The following BRWD1 variants were observed in gnomAD, a reference collection of about 807,000 sequenced individuals.
The protein encoded by BRWD1 is bromodomain and WD repeat-containing protein 1.
In BRWD1, 82 loss-of-function variants were observed where a neutral mutation model predicts 251.2. That is an observed-to-expected ratio of 0.33 (90% CI 0.27 to 0.39). The LOEUF is 0.39. Ranked by LOEUF, BRWD1 falls within the 10% of genes least tolerant of loss-of-function variation. BRWD1 has a pLI of 1.00. For missense variants in BRWD1, 2,233 were observed against 2,711.6 expected (o/e 0.82, Z 3.92); for synonymous variants, 918 against 902.8 (o/e 1.02, Z -0.30).
intron 29 of BRWD1, 76 bp from the exon 30 acceptor site, chr21:39,218,736 T>G: frequency 8.3e-7 from 1 of 1,198,224 alleles, no homozygotes; most frequent in Middle Eastern, 2.2e-4. Context: ...AAAATTCAAT[T>G]TTCATAGCTT....
intron 36 of BRWD1, 98 bp from the exon 37 acceptor site, chr21:39,206,372 A>C (rs2032390710): frequency 1.1e-6 from 1 of 916,014 alleles, no homozygotes; most frequent in South Asian, 1.9e-5. Context: ...GTATTATATC[A>C]CTGCTTATAG....
chr21:39,212,631 G>C (rs2032709528), intron 34 of BRWD1, 35 bp downstream of exon 34: 1 of 1,480,704 alleles, frequency 6.8e-7, no homozygotes, highest in Admixed American at 2.0e-5. Flanking sequence ...CAAAGAAAAA[G>C]AAACTACAAA....
intron 32 of BRWD1, among the ~76,000 whole-genome samples, chr21:39,214,939 T>C (rs2032821824): frequency 6.7e-6 from 1 of 148,204 alleles, no homozygotes; most frequent in African/African-American, 2.5e-5. Context: ...TGGAGTGCAA[T>C]GGCACGATCC....
chr21:39,296,364 C>A lies in BRWD1; in HGVS notation c.350-1G>T. 6.4e-7 allele frequency: 1 copy of A among 1,558,788 alleles called. No individual in the cohort carries two copies. The highest frequency in any genetic ancestry group is 8.6e-7 in the Non-Finnish European group (1 of 1,158,376). On this transcript the variant is annotated splice_acceptor_variant, in intron 5 of 40. Coordinates refer to ENST00000342449, the MANE Select transcript of BRWD1 (RefSeq NM_033656.4). LOFTEE classifies it high-confidence loss of function. Reference sequence around the variant, plus strand: ...CCCTTCCAAACTGTGTGCCTGCAGTCTTTAAAATGAATTTTAGATACACAT... The same window carrying A: ...CCCTTCCAAACTGTGTGCCTGCAGTATTTAAAATGAATTTTAGATACACAT...
chr21:39,314,190 C>T (rs1449781114), upstream of BRWD1: 17 of 455,874 alleles, frequency 3.7e-5, no homozygotes, highest in Non-Finnish European at 7.5e-5. Context: ...GCCGCGCCTC[C>T]CGCAGAGGGG....
At chr21:39,211,221 T>C (rs1382750672) in intron 34 of BRWD1, among the ~76,000 whole-genome samples, 1 of 152,190 alleles carries the variant, frequency 6.6e-6, no homozygotes, top group Non-Finnish European at 1.5e-5. Flanking sequence ...AGGTTTATAA[T>C]ATTTGTTTTC....
At chr21:39,248,542 G>T (rs138512655) in intron 20 of BRWD1, among the ~76,000 whole-genome samples, 3 of 151,338 alleles carry the variant, frequency 2.0e-5, no homozygotes, top group African/African-American at 2.4e-5. Context: ...GGAGGCTGAG[G>T]GGGGAGGATC....
At chr21:39,320,159 T>C (rs1020801469) in intron 1 of BRWD1, among the ~76,000 whole-genome samples, 8 of 152,152 alleles carry the variant, frequency 5.3e-5, no homozygotes, top group South Asian at 4.1e-4. Context: ...CAGCCAGAGA[T>C]GGAAGGGTGG....
chr21:39,216,846 T>G (rs2032914861), intron 31 of BRWD1: 1 of 210,248 alleles, frequency 4.8e-6, no homozygotes, highest in African/African-American at 2.4e-5. Context: ...GGGAAACTTG[T>G]GCCACAGGGG....
intron 25 of BRWD1, among the ~76,000 whole-genome samples, chr21:39,230,962 A>G (rs1165725652): frequency 6.6e-6 from 1 of 152,178 alleles, no homozygotes; most frequent in Non-Finnish European, 1.5e-5. Context: ...GCAAGTACGC[A>G]GTTCACAAAT....
intron 15 of BRWD1, among the ~76,000 whole-genome samples, chr21:39,266,022 A>G (rs1448973048): frequency 6.6e-6 from 1 of 151,448 alleles, no homozygotes; most frequent in Non-Finnish European, 1.5e-5. Context: ...AGAGCTATGC[A>G]TATTTGTTGT....
intron 1 of BRWD1, among the ~76,000 whole-genome samples, chr21:39,320,555 G>A (rs996752451): frequency 4.6e-5 from 7 of 151,824 alleles, no homozygotes; most frequent in Middle Eastern, 3.2e-3. Context: ...GGTTGGTCTC[G>A]AACTCCTGGG....
chr21:39,247,961 G>A (rs2836955), intron 20 of BRWD1, 129 bp from the exon 21 acceptor site: 345,608 of 1,102,896 alleles, frequency 0.31, 59,444 homozygotes, highest in Non-Finnish European at 0.35. Context: ...AAAGAAGGTA[G>A]CATTTTTGCC....
Position 39,197,073 on chromosome 21 carries a change from G to C in BRWD1, c.5996C>G (p.Pro1999Arg). The C allele has an allele frequency of 6.2e-7, 1 of 1,614,120 alleles. No individual in the cohort carries two copies. Among genetic ancestry groups the C allele is most frequent in the Non-Finnish European group, 8.5e-7 (1 of 1,179,970 alleles). ...SEQYACEGKP[P>R]DPDSEGSTKV... ...TGTACTACCTTCGGAGTCAGGATCA[G>C]GTGGCTTGCCTTCACAGGCATACTG... Residue 1999 changes from proline (P) to arginine (R), a missense_variant, in exon 41 of 41, where the codon CCT (proline) becomes CGT (arginine). By Grantham distance (103) the Pro-to-Arg change is moderately radical. Coordinates refer to ENST00000342449, the MANE Select transcript of BRWD1 (RefSeq NM_033656.4).
At chr21:39,291,431 C>T (rs1035401466) in intron 8 of BRWD1, among the ~76,000 whole-genome samples, 8 of 152,206 alleles carry the variant, frequency 5.3e-5, no homozygotes, top group African/African-American at 1.9e-4. Flanking sequence ...AGTTTCAAAA[C>T]ATGATAGAAA....
At chr21:39,255,519 T>C (rs1162361971) in intron 19 of BRWD1, 126 bp downstream of exon 19, 1 of 753,514 alleles carries the variant, frequency 1.3e-6, no homozygotes, top group Non-Finnish European at 2.1e-6. Flanking sequence ...GATAGTAAGA[T>C]TCCCACTCAT....
chr21:39,188,742 CA>C lies in BRWD1; in HGVS notation c.*7516del. 2.0e-6 allele frequency: 2 copies of C among 985,402 alleles called. No individual in the cohort carries two copies. Among genetic ancestry groups the C allele is most frequent in the Non-Finnish European group, 2.4e-6 (2 of 829,916 alleles). The allele number at this position is 985,402 out of a possible 1,614,324, so 61.0% of individuals were successfully genotyped here. A position where few individuals can be genotyped will look rare whatever the true frequency, so the allele number is the denominator to read the frequency against. ...TCTAAGATCAGTTGAGCGTTCTCCCCAGAATAGGTTAGGAAATACTTTATTC... is the reference window on the plus strand; with the variant it reads ...TCTAAGATCAGTTGAGCGTTCTCCCCGAATAGGTTAGGAAATACTTTATTC... On this transcript the variant is annotated 3_prime_UTR_variant, in exon 41 of 41. Transcript: ENST00000342449.
upstream of BRWD1, among the ~76,000 whole-genome samples, chr21:39,315,115 G>A (rs2036673171): frequency 6.6e-6 from 1 of 152,090 alleles, no homozygotes; most frequent in Admixed American, 6.6e-5. Context: ...TTGTGCCTCA[G>A]CCTCCCGAGT....
At chr21:39,320,202 A>C (rs979228990) in intron 1 of BRWD1, among the ~76,000 whole-genome samples, 1 of 152,086 alleles carries the variant, frequency 6.6e-6, no homozygotes, top group Non-Finnish European at 1.5e-5. Context: ...CCATTTTCCC[A>C]GCTCCTTTCC....
Sources: gnomAD v4.1 joint callset for allele counts (sites outside exome capture counted in the v4.1 genomes callset) on GRCh38, gnomAD v4.1.1 for gene constraint, MANE v1.5 for transcripts, NCBI Gene and HGNC (gene_info 2026-07-23, HGNC 2026-07-21) for gene names.